LARGE1: variants seen among roughly 807,000 people sequenced by gnomAD.
LARGE1 encodes the protein LARGE xylosyl- and glucuronyltransferase 1, also known as xylosyl- and glucuronyltransferase LARGE1.
A neutral mutation model predicts 87.6 loss-of-function variants in LARGE1; 43 were observed. The ratio of observed to expected loss-of-function variants is 0.49; its 90% CI spans 0.38 to 0.63. The LOEUF is 0.63. Among genes scored for constraint, LARGE1 ranks in the 30% least tolerant of loss-of-function variants. The pLI is 0.00. For missense variants in LARGE1, 802 were observed against 1,000.2 expected (o/e 0.80, Z 2.67); for synonymous variants, 434 against 394.6 (o/e 1.10, Z -1.18).
chr22:33,315,453 G>A (rs1049717638), intron 11 of LARGE1, among the ~76,000 whole-genome samples: 1 of 152,106 alleles, frequency 6.6e-6, no homozygotes, highest in Admixed American at 6.5e-5. Flanking sequence ...CTTTCCAGCC[G>A]CAATTGTAGC....
intron 7 of LARGE1, among the ~76,000 whole-genome samples, chr22:33,406,692 G>T (rs2066112408): frequency 6.6e-6 from 1 of 152,246 alleles, no homozygotes; most frequent in Admixed American, 6.5e-5. Flanking sequence ...GTGGTGGTGT[G>T]TGGAGGAGTG....
intron 6 of LARGE1, among the ~76,000 whole-genome samples, chr22:33,484,748 G>A (rs918931747): frequency 1.2e-4 from 18 of 152,016 alleles, no homozygotes; most frequent in African/African-American, 3.6e-4. Flanking sequence ...CCATGCCCCC[G>A]GTCTGGTTAT....
At position 33,696,270 on chromosome 22, in the gene LARGE1, T is replaced by C. The variant is rs1301038893; in HGVS notation, c.107-45602A>G. ...TTCTTTCTTTCTTTCTTTCTTTTTTTTTTTTTTTTTGAGACAGAGTCTCAC... is the reference window on the plus strand; with the variant it reads ...TTCTTTCTTTCTTTCTTTCTTTTTTCTTTTTTTTTTGAGACAGAGTCTCAC... On this transcript the variant is annotated intron_variant, in intron 2 of 14. Coordinates refer to ENST00000397394, the MANE Select transcript of LARGE1 (RefSeq NM_133642.5). Among the ~76,000 whole-genome samples the C allele has an allele frequency of 2.7e-5, 4 of 149,098 alleles. No individual in the cohort carries two copies. In the East Asian group the frequency reaches 7.8e-4, roughly 29 times the overall value.
At chr22:33,377,028 G>A (rs2065014637) in intron 9 of LARGE1, among the ~76,000 whole-genome samples, 1 of 152,208 alleles carries the variant, frequency 6.6e-6, no homozygotes, top group Non-Finnish European at 1.5e-5. Context: ...GGCACTGAGA[G>A]ACATGAAAAC....
At chr22:33,526,154 T>C (rs2071882706) in intron 6 of LARGE1, among the ~76,000 whole-genome samples, 1 of 152,110 alleles carries the variant, frequency 6.6e-6, no homozygotes. Flanking sequence ...TTGAAAACAT[T>C]ATGTTAGGTT....
chr22:33,795,485 A>C (rs1458161542), intron 1 of LARGE1, among the ~76,000 whole-genome samples: 2 of 152,158 alleles, frequency 1.3e-5, no homozygotes, highest in African/African-American at 4.8e-5. Context: ...TTAAGAATAT[A>C]GGCTGTGGAC....
At chr22:33,647,446 T>C (rs1278049452) in intron 3 of LARGE1, among the ~76,000 whole-genome samples, 1 of 152,254 alleles carries the variant, frequency 6.6e-6, no homozygotes, top group Non-Finnish European at 1.5e-5. Context: ...ACTTCTTTCC[T>C]GCCAGCTGGA....
At chr22:33,679,895 C>T (rs1004395711) in intron 2 of LARGE1, among the ~76,000 whole-genome samples, 3 of 152,174 alleles carry the variant, frequency 2.0e-5, no homozygotes, top group African/African-American at 7.2e-5. Flanking sequence ...AGAGGCCTGG[C>T]ACAGATCCTT....
intron 1 of LARGE1, among the ~76,000 whole-genome samples, chr22:33,797,764 A>T (rs1176578084): frequency 1.3e-5 from 2 of 152,228 alleles, no homozygotes; most frequent in Non-Finnish European, 2.9e-5. Context: ...AGGCACTTTG[A>T]GATCTGGGAT....
intron 6 of LARGE1, among the ~76,000 whole-genome samples, chr22:33,480,187 C>T (rs1263436029): frequency 1.3e-5 from 2 of 152,192 alleles, no homozygotes; most frequent in Non-Finnish European, 2.9e-5. Flanking sequence ...AAGGAACAGG[C>T]ACCCTGGACG....
At position 33,460,341 on chromosome 22, in the gene LARGE1, T is replaced by C. The variant is rs373427808; in HGVS notation, c.788-28076A>G. On this transcript the variant is annotated intron_variant, in intron 6 of 14. Coordinates refer to ENST00000397394, the MANE Select transcript of LARGE1 (RefSeq NM_133642.5). ...ACCTGGTACCCATCTCAGAAGATTCTAATTTGCTAATTTCCTAACTCTGGG... is the reference window on the plus strand; with the variant it reads ...ACCTGGTACCCATCTCAGAAGATTCCAATTTGCTAATTTCCTAACTCTGGG... Among the ~76,000 whole-genome samples the C allele has an allele frequency of 3.1e-4, 47 of 152,318 alleles. No homozygotes were observed. In the East Asian group the frequency reaches 7.1e-3, roughly 23 times the overall value.
At chr22:33,099,448 T>A in the LARGE1 span, among the ~76,000 whole-genome samples, 1 of 152,000 alleles carries the variant, frequency 6.6e-6, no homozygotes, top group Non-Finnish European at 1.5e-5. Flanking sequence ...AGACAGGGTT[T>A]CTCCATGTGG....
chr22:33,509,036 G>A (rs2148426287), intron 6 of LARGE1, among the ~76,000 whole-genome samples: 1 of 152,310 alleles, frequency 6.6e-6, no homozygotes, highest in South Asian at 2.1e-4. Flanking sequence ...TGCTTGGGGA[G>A]TGAGGAAAAG....
chr22:33,078,236 T>C, the LARGE1 span, among the ~76,000 whole-genome samples: 1 of 152,202 alleles, frequency 6.6e-6, no homozygotes, highest in Non-Finnish European at 1.5e-5. Context: ...GATAATTTGG[T>C]TTACACCTCT....
intron 6 of LARGE1, among the ~76,000 whole-genome samples, chr22:33,501,593 G>C (rs1156658328): frequency 6.6e-6 from 1 of 152,174 alleles, no homozygotes; most frequent in Non-Finnish European, 1.5e-5. Context: ...GGAATTGTTA[G>C]GAAATGATCC....
intron 1 of LARGE1, among the ~76,000 whole-genome samples, chr22:33,853,177 C>T (rs970608759): frequency 1.3e-5 from 2 of 151,886 alleles, no homozygotes; most frequent in African/African-American, 4.8e-5. Flanking sequence ...GGAACTTGTC[C>T]GAGACCACAC....
intron 11 of LARGE1, among the ~76,000 whole-genome samples, chr22:33,202,330 G>T (rs1924440904): frequency 6.6e-6 from 1 of 152,130 alleles, no homozygotes; most frequent in Non-Finnish European, 1.5e-5. Context: ...AGAGTGGCAG[G>T]TCTCCTTGAC....
chr22:33,627,636 T>C (rs2079964187), intron 3 of LARGE1, among the ~76,000 whole-genome samples: 1 of 152,182 alleles, frequency 6.6e-6, no homozygotes, highest in Non-Finnish European at 1.5e-5. Flanking sequence ...CAGGGTGATG[T>C]GACAATGTCC....
intron 7 of LARGE1, among the ~76,000 whole-genome samples, chr22:33,390,937 T>C (rs559204926): frequency 6.6e-6 from 1 of 152,286 alleles, no homozygotes; most frequent in Admixed American, 6.5e-5. Flanking sequence ...ACTCAAGTGA[T>C]CCGCCCACCT....
Sources: allele counts gnomAD v4.1 joint callset (sites outside exome capture counted in the v4.1 genomes callset), GRCh38; gene constraint gnomAD v4.1.1; transcripts MANE v1.5; gene names NCBI Gene and HGNC (gene_info 2026-07-23, HGNC 2026-07-21).